Variants in AGBL4 observed in about 807,000 individuals in gnomAD.
AGBL4 encodes the protein AGBL carboxypeptidase 4.
AGBL4 carries 58 observed loss-of-function variants against 66.4 expected under a neutral mutation model. The observed-to-expected ratio is 0.87, with a 90% CI of 0.71 to 1.09. The LOEUF (loss-of-function observed/expected upper bound fraction) is 1.09, where lower values mean the gene tolerates loss of function less well. Ranked by LOEUF, AGBL4 falls within the 50% of genes least tolerant of loss-of-function variation. AGBL4 has a pLI of 0.00. For synonymous variants in AGBL4, 234 were observed against 222.9 expected (o/e 1.05, Z -0.44); for missense variants, 579 against 631.0 (o/e 0.92, Z 0.88).
intron 3 of AGBL4, among the ~76,000 whole-genome samples, chr1:49,393,072 C>T (rs984523042): frequency 2.0e-5 from 3 of 151,966 alleles, no homozygotes; most frequent in Non-Finnish European, 4.4e-5. Flanking sequence ...AAAATAATAC[C>T]TAACTTGTGG....
intron 3 of AGBL4, among the ~76,000 whole-genome samples, chr1:49,616,068 G>T (rs1645244614): frequency 6.6e-6 from 1 of 152,002 alleles, no homozygotes; most frequent in Non-Finnish European, 1.5e-5. Flanking sequence ...TCTTTCTCGA[G>T]GAGAAAAGGT....
chr1:48,699,560 G>A (rs1646769041), intron 6 of AGBL4, among the ~76,000 whole-genome samples: 1 of 152,138 alleles, frequency 6.6e-6, no homozygotes, highest in African/African-American at 2.4e-5. Context: ...AGACAAAGGT[G>A]CCAAAGAATT....
intron 3 of AGBL4, among the ~76,000 whole-genome samples, chr1:49,253,950 T>G (rs929422257): frequency 1.4e-4 from 21 of 152,186 alleles, no homozygotes; most frequent in Non-Finnish European, 2.9e-4. Flanking sequence ...AAAAGGCTTT[T>G]GATAAAATTA....
intron 6 of AGBL4, among the ~76,000 whole-genome samples, chr1:48,683,053 C>T (rs1646478815): frequency 6.6e-6 from 1 of 152,236 alleles, no homozygotes; most frequent in Admixed American, 6.5e-5. Context: ...GGTTTAGACA[C>T]AGGCTTTGGG....
intron 3 of AGBL4, among the ~76,000 whole-genome samples, chr1:49,277,179 A>G (rs1313360452): frequency 6.6e-6 from 1 of 152,200 alleles, no homozygotes; most frequent in Non-Finnish European, 1.5e-5. Context: ...CACTATCTTC[A>G]TAATTATTTA....
intron 3 of AGBL4, among the ~76,000 whole-genome samples, chr1:49,672,921 CAAAAAAAAAAA>C (rs60612868): frequency 8.5e-5 from 4 of 47,058 alleles, no homozygotes; most frequent in African/African-American, 6.2e-5. Context: ...AACTCCATCT[CAAAAAAAAAAA>C]AAAAAAAAAG....
At chr1:49,970,658 G>A (rs752946158) in intron 1 of AGBL4, among the ~76,000 whole-genome samples, 1 of 147,352 alleles carries the variant, frequency 6.8e-6, no homozygotes, top group Non-Finnish European at 1.5e-5. Flanking sequence ...ATCGCACCAT[G>A]GCACTCCAGC....
chr1:49,984,982 CA>C (rs550614020), intron 1 of AGBL4, among the ~76,000 whole-genome samples: 7 of 152,182 alleles, frequency 4.6e-5, no homozygotes, highest in African/African-American at 1.7e-4. Context: ...TCGGATAAGG[CA>C]AAAAACACAG....
intron 1 of AGBL4, among the ~76,000 whole-genome samples, chr1:49,904,338 C>A (rs1265008168): frequency 6.6e-6 from 1 of 152,122 alleles, no homozygotes; most frequent in Non-Finnish European, 1.5e-5. Context: ...CATATTTAAA[C>A]TCAAAAATAC....
intron 3 of AGBL4, among the ~76,000 whole-genome samples, chr1:49,681,354 A>G (rs1646689807): frequency 6.6e-6 from 1 of 152,094 alleles, no homozygotes; most frequent in African/African-American, 2.4e-5. Flanking sequence ...GTGTTCTTTT[A>G]ACATTGTTCT....
intron 3 of AGBL4, among the ~76,000 whole-genome samples, chr1:49,396,053 A>G (rs1474719577): frequency 6.6e-6 from 1 of 151,530 alleles, no homozygotes; most frequent in African/African-American, 2.4e-5. Context: ...CCAGAAAGTT[A>G]TATAGCTGTC....
At chr1:49,211,455 T>C (rs1171581541) in intron 4 of AGBL4, among the ~76,000 whole-genome samples, 1 of 152,070 alleles carries the variant, frequency 6.6e-6, no homozygotes, top group African/African-American at 2.4e-5. Context: ...ATGTGTAAAA[T>C]AGGGATAACA....
At chr1:49,662,194 C>T (rs1379198719) in intron 3 of AGBL4, among the ~76,000 whole-genome samples, 3 of 150,792 alleles carry the variant, frequency 2.0e-5, no homozygotes, top group African/African-American at 7.3e-5. Flanking sequence ...TCATCACAGT[C>T]TCACAGAATA....
chr1:49,846,142 C>CA, intron 2 of AGBL4: 2 of 1,463,356 alleles, frequency 1.4e-6, no homozygotes, highest in Non-Finnish European at 1.9e-6. Context: ...GGATTCATAC[C>CA]AAGGAAAAGC....
chr1:49,564,270 C>T (rs546305278), intron 3 of AGBL4, among the ~76,000 whole-genome samples: 3 of 152,174 alleles, frequency 2.0e-5, no homozygotes, highest in Admixed American at 6.5e-5. Flanking sequence ...GCTGGATTCA[C>T]GGATTTTTTG....
chr1:48,871,649 A>G (rs1221055692), intron 5 of AGBL4, among the ~76,000 whole-genome samples: 3 of 151,982 alleles, frequency 2.0e-5, no homozygotes, highest in Non-Finnish European at 4.4e-5. Flanking sequence ...TTGCTTAACC[A>G]CTGTGTGGTG....
intron 5 of AGBL4, among the ~76,000 whole-genome samples, chr1:49,028,668 G>A (rs1231394796): frequency 1.3e-5 from 2 of 151,876 alleles, no homozygotes; most frequent in African/African-American, 2.4e-5. Flanking sequence ...GTGAGATGAC[G>A]TATTCAAAGT....
rs1646022259 is a variant in AGBL4, at chr1:49,136,873, C to G, written c.378-91073G>C. On this transcript the variant is annotated intron_variant, in intron 4 of 13. Transcript: ENST00000371839. The stretch of plus-strand genomic sequence containing the variant: ...CTGTAATTCAATTTGTTCTATTTAG[C>G]TACAAAAATATGCTAGTCTTTCAGA... Among the ~76,000 whole-genome samples the G allele has an allele frequency of 2.0e-5, 3 of 152,060 alleles. No homozygotes were observed. In the South Asian group the frequency reaches 6.2e-4, roughly 31 times the overall value.
intron 5 of AGBL4, among the ~76,000 whole-genome samples, chr1:48,953,747 T>C (rs1175843179): frequency 6.6e-6 from 1 of 152,148 alleles, no homozygotes; most frequent in East Asian, 1.9e-4. Flanking sequence ...AAGGCCACCA[T>C]GTACTATTTA....
Sources: allele counts gnomAD v4.1 joint callset (sites outside exome capture counted in the v4.1 genomes callset), GRCh38; gene constraint gnomAD v4.1.1; transcripts MANE v1.5; gene names NCBI Gene and HGNC (gene_info 2026-07-23, HGNC 2026-07-21).